The following DCUN1D1 variants were observed in gnomAD, a reference collection of about 807,000 sequenced individuals.
The protein encoded by DCUN1D1 is DCN1-like protein 1.
In DCUN1D1, 3 loss-of-function variants were observed where a neutral mutation model predicts 39.0. The ratio of observed to expected loss-of-function variants is 0.08; its 90% CI spans 0.04 to 0.20. The LOEUF (loss-of-function observed/expected upper bound fraction) is 0.20, where lower values mean the gene tolerates loss of function less well. Among genes scored for constraint, DCUN1D1 ranks in the 10% least tolerant of loss-of-function variants. DCUN1D1 has a pLI of 1.00. For missense variants in DCUN1D1, 158 were observed against 302.4 expected, an observed-to-expected ratio of 0.52 and a Z score of 3.54; for synonymous variants, 82 against 96.3, an observed-to-expected ratio of 0.85 and a Z score of 0.87.
At chr3:182,950,464 TA>T (rs1195107120) in intron 4 of DCUN1D1, among the ~76,000 whole-genome samples, 1 of 152,052 alleles carries the variant, frequency 6.6e-6, no homozygotes, top group Non-Finnish European at 1.5e-5. Context: ...ACTTATCTTT[TA>T]AAAATCTTTC....
chr3:182,958,691 T>G (rs1203953859), intron 4 of DCUN1D1, among the ~76,000 whole-genome samples: 1 of 152,188 alleles, frequency 6.6e-6, no homozygotes, highest in East Asian at 1.9e-4. Context: ...AGCACAATAC[T>G]TATTAGATAA....
At chr3:182,945,528 G>A (rs1726349475) in intron 6 of DCUN1D1, among the ~76,000 whole-genome samples, 1 of 152,070 alleles carries the variant, frequency 6.6e-6, no homozygotes. Context: ...TGTGAACCCG[G>A]GAGGCGGAGC....
chr3:182,951,153 CA>C (rs1726710871), intron 4 of DCUN1D1, among the ~76,000 whole-genome samples: 1 of 151,574 alleles, frequency 6.6e-6, no homozygotes, highest in African/African-American at 2.4e-5. Flanking sequence ...ACTCAACATA[CA>C]ATTGTCTGGC....
intron 4 of DCUN1D1, among the ~76,000 whole-genome samples, chr3:182,954,441 T>C (rs1434424417): frequency 6.6e-6 from 1 of 152,206 alleles, no homozygotes; most frequent in African/African-American, 2.4e-5. Context: ...AAATTCAGAA[T>C]AATTTCCAAC....
intron 1 of DCUN1D1, among the ~76,000 whole-genome samples, chr3:182,975,213 G>C (rs995603676): frequency 7.0e-6 from 1 of 142,436 alleles, no homozygotes; most frequent in Admixed American, 7.2e-5. Flanking sequence ...GTCCCGCTCT[G>C]TCGCCCAGGC....
chr3:182,966,352 C>T (rs575423252), intron 1 of DCUN1D1, among the ~76,000 whole-genome samples: 50 of 152,270 alleles, frequency 3.3e-4, no homozygotes, highest in African/African-American at 1.1e-3. Flanking sequence ...GACATTTCTC[C>T]TAGTTGTATC....
intron 4 of DCUN1D1, among the ~76,000 whole-genome samples, chr3:182,959,648 G>A (rs1203342086): frequency 6.6e-6 from 1 of 152,084 alleles, no homozygotes; most frequent in Non-Finnish European, 1.5e-5. Context: ...GCACATAGCA[G>A]GTGGTAAATT....
intron 1 of DCUN1D1, among the ~76,000 whole-genome samples, 176 bp from the exon 2 acceptor site, chr3:182,965,929 T>C: frequency 6.6e-6 from 1 of 152,052 alleles, no homozygotes; most frequent in East Asian, 1.9e-4. Context: ...TTTTAAAAAA[T>C]ATGAAACAGA....
intron 4 of DCUN1D1, chr3:182,955,590 GT>G (rs59068119): frequency 0.11 from 42,880 of 378,350 alleles, 1,145 homozygotes; most frequent in Middle Eastern, 0.18. Flanking sequence ...CATCAGGAGG[GT>G]TTTTTTTTTT....
upstream of DCUN1D1, among the ~76,000 whole-genome samples, chr3:182,981,861 C>A (rs913134808): frequency 6.6e-6 from 1 of 152,198 alleles, no homozygotes; most frequent in Non-Finnish European, 1.5e-5. Context: ...CATTCTTTCC[C>A]CCAATATTTA....
chr3:182,973,060 C>G (rs1427135660), intron 1 of DCUN1D1, among the ~76,000 whole-genome samples: 2 of 151,524 alleles, frequency 1.3e-5, no homozygotes, highest in Non-Finnish European at 2.9e-5. Flanking sequence ...AAGGGGGGGG[C>G]TCTGTATTAC....
upstream of DCUN1D1, chr3:182,980,541 ACGGCGGCGGCGG>A: frequency 1.6e-6 from 2 of 1,219,384 alleles, no homozygotes; most frequent in Non-Finnish European, 2.1e-6. Context: ...CAGCGAATGG[ACGGCGGCGGCGG>A]CGGCGGCTCC....
At position 182,951,733 on chromosome 3, in the gene DCUN1D1, G is replaced by C. The variant is rs1251771292; in HGVS notation, c.521-4101C>G. Among the ~76,000 whole-genome samples the C allele has an allele frequency of 2.7e-5, 3 of 111,636 alleles. No homozygotes were observed. The Admixed American group carries it at 3.4e-4, about 13-fold the overall frequency. 73.2% of individuals were successfully genotyped at this position (111,636 alleles called of 152,430 possible). On this transcript the variant is annotated intron_variant, in intron 4 of 6. Coordinates refer to ENST00000292782, the MANE Select transcript of DCUN1D1 (RefSeq NM_020640.4). ...TTTTTTGAGACGGAGTTTCACTCTTGTTGCCCAGGCTGGAGTGCAGTGGTG... is the reference window on the plus strand; with the variant it reads ...TTTTTTGAGACGGAGTTTCACTCTTCTTGCCCAGGCTGGAGTGCAGTGGTG...
intron 1 of DCUN1D1, among the ~76,000 whole-genome samples, chr3:182,979,484 C>T (rs998863152): frequency 2.0e-5 from 3 of 152,132 alleles, no homozygotes; most frequent in Non-Finnish European, 4.4e-5. Context: ...CACGCTCAGA[C>T]TGTACAATGC....
intron 1 of DCUN1D1, 62 bp downstream of exon 1, chr3:182,980,424 CG>C: frequency 2.9e-6 from 3 of 1,021,770 alleles, no homozygotes; most frequent in Non-Finnish European, 2.3e-6. Flanking sequence ...GCGGCCGGGG[CG>C]GGGGTGCGCG....
intron 4 of DCUN1D1, among the ~76,000 whole-genome samples, chr3:182,951,804 C>T (rs1726769014): frequency 6.7e-6 from 1 of 149,806 alleles, no homozygotes; most frequent in African/African-American, 2.5e-5. Context: ...TCAAGTGATT[C>T]TCCTGCCTCA....
chr3:182,981,579 A>G (rs1384621314), upstream of DCUN1D1, among the ~76,000 whole-genome samples: 3 of 151,392 alleles, frequency 2.0e-5, no homozygotes, highest in Non-Finnish European at 4.4e-5. Context: ...TAAGAAAGCA[A>G]ACTCACTCAG....
At chr3:182,980,130 A>AG (rs1728460535) in intron 1 of DCUN1D1, 2 of 934,294 alleles carry the variant, frequency 2.1e-6, no homozygotes, top group Non-Finnish European at 2.6e-6. Flanking sequence ...GCAGAGGGGC[A>AG]GGGGCAAGGC....
At chr3:182,975,173 G>T (rs1487610134) in intron 1 of DCUN1D1, among the ~76,000 whole-genome samples, 3 of 148,914 alleles carry the variant, frequency 2.0e-5, no homozygotes, top group South Asian at 4.2e-4. Flanking sequence ...AATTAACACA[G>T]AATTTTTTTT....
Sources: allele counts gnomAD v4.1 joint callset (sites outside exome capture counted in the v4.1 genomes callset), GRCh38; gene constraint gnomAD v4.1.1; transcripts MANE v1.5; gene names NCBI Gene and HGNC (gene_info 2026-07-23, HGNC 2026-07-21).